SHMT2: variants seen among roughly 807,000 people sequenced by gnomAD.
SHMT2 encodes the protein serine hydroxymethyltransferase 2, also known as serine hydroxymethyltransferase, mitochondrial.
In SHMT2, 38 loss-of-function variants were observed where a neutral mutation model predicts 59.6. That is an observed-to-expected ratio of 0.64 (90% confidence interval 0.49 to 0.84). The LOEUF (loss-of-function observed/expected upper bound fraction) is 0.84, where lower values mean the gene tolerates loss of function less well. Among genes scored for constraint, SHMT2 ranks in the 40% least tolerant of loss-of-function variants. SHMT2 has a pLI of 0.00. For synonymous variants in SHMT2, 254 were observed against 258.1 expected, an observed-to-expected ratio of 0.98 and a Z score of 0.15; for missense variants, 533 against 659.5, an observed-to-expected ratio of 0.81 and a Z score of 2.10.
chr12:57,230,201 G>T, intron 1 of SHMT2: 1 of 1,279,780 alleles, frequency 7.8e-7, no homozygotes, highest in South Asian at 1.3e-5. Flanking sequence ...CTTGCATCAG[G>T]CAGGGGTCCC....
chr12:57,232,292 C>T lies in SHMT2; in HGVS notation c.594C>T (p.Asn198=), dbSNP rs756482868. 75 of 1,613,812 alleles carry T rather than the reference C, an allele frequency of 4.6e-5. No individual in the cohort carries two copies. In the Middle Eastern group the frequency reaches 9.9e-4, roughly 21 times the overall value. ...IFFESMPYKL[N]PKTGLIDYNQ... is the part of the protein sequence containing the mutation. ...TCGAGTCTATGCCCTATAAGCTCAA[C>T]GTGAGTGCTCTAGGGTGTGGGGAGG... Residue 198 remains asparagine, a splice_region_variant and synonymous_variant, in exon 5 of 12, where the codon AAC becomes AAT. Coordinates refer to ENST00000328923, the MANE Select transcript of SHMT2 (RefSeq NM_005412.6).
Position 57,234,592 on chromosome 12 carries a change from C to G in SHMT2, c.*231C>G. The G allele has an allele frequency of 2.5e-6, 1 of 403,058 alleles. No homozygotes were observed. Among genetic ancestry groups the G allele is most frequent in the Non-Finnish European group, 4.4e-6 (1 of 229,754 alleles). 25.0% of individuals were successfully genotyped at this position (403,058 alleles called of 1,614,324 possible). A position where few individuals can be genotyped will look rare whatever the true frequency, so the allele number is the denominator to read the frequency against. ...AGGGCCCAGGCACTTTCTGTTTGAA[C>G]CCCTGTCATGATCACAGTGTCAGAG... is the stretch of plus-strand genomic sequence containing the variant. On this transcript the variant is annotated 3_prime_UTR_variant, in exon 12 of 12. Transcript: ENST00000328923.
rs775692309 is a variant in SHMT2, at chr12:57,232,464, C to T, written c.606C>T (p.Gly202=). 2.5e-6 allele frequency: 4 copies of T among 1,614,174 alleles called. No homozygotes were observed. Among genetic ancestry groups the T allele is most frequent in the Non-Finnish European group, 3.4e-6 (4 of 1,180,020 alleles). The stretch of plus-strand genomic sequence containing the variant: ...GTGTGTCTGTCCAGCCCAAAACTGG[C>T]CTCATTGACTACAACCAGCTGGCAC... ...SMPYKLNPKT[G]LIDYNQLALT... The change falls in exon 6 of 12, where the codon GGC becomes GGT. Residue 202 remains glycine, a synonymous_variant. Transcript: ENST00000328923.
At chr12:57,233,687 G>T in intron 9 of SHMT2, 25 bp downstream of exon 9, 1 of 1,613,036 alleles carries the variant, frequency 6.2e-7, no homozygotes, top group Non-Finnish European at 8.5e-7. Flanking sequence ...GATGGGTGAG[G>T]GCCTCTGTAG....
rs767322828 is a variant in SHMT2 at position 57,231,708 on chromosome 12, G to A, written c.312-5G>A. 1.6e-5 allele frequency: 26 copies of A among 1,613,870 alleles called. No homozygotes were observed. The highest frequency in any genetic ancestry group is 5.5e-5 in the South Asian group (5 of 91,086). On this transcript the variant is annotated splice_polypyrimidine_tract_variant and splice_region_variant and intron_variant, in intron 3 of 11. Transcript: ENST00000328923. ...TGTGCCCTCATTACCCCTCTCCCACGGCAGATACTATGGGGGAGCAGAGGT... is the reference window on the plus strand; with the variant it reads ...TGTGCCCTCATTACCCCTCTCCCACAGCAGATACTATGGGGGAGCAGAGGT...
chr12:57,231,627 T>C, intron 3 of SHMT2, 67 bp downstream of exon 3: 7 of 1,611,130 alleles, frequency 4.3e-6, no homozygotes, highest in Non-Finnish European at 5.9e-6. Flanking sequence ...ACCTTCCCAG[T>C]GTTCATTGAG....
rs1453830388 is a variant in SHMT2 at position 57,230,832 on chromosome 12, G to T, written c.63G>T (p.Arg21Ser). ...TGCAGAGATGTGGGCAGCTGGTCAG[G>T]ATGGCCATTCGGGCTCAGCACAGCA... is the stretch of plus-strand genomic sequence containing the variant. Reference protein sequence around the residue: ...RPLQRCGQLVRMAIRAQHSNA... With the variant: ...RPLQRCGQLVSMAIRAQHSNA... Residue 21 changes from arginine (R) to serine (S), a missense_variant, in exon 2 of 12, where the codon AGG becomes AGT. Transcript: ENST00000328923. 1 of 1,614,120 alleles carries T rather than the reference G, an allele frequency of 6.2e-7. No homozygotes were observed. Among genetic ancestry groups the T allele is most frequent in the African/African-American group, 1.3e-5 (1 of 75,024 alleles).
rs1279836770 is a variant in SHMT2, at chr12:57,232,764, G to T, written c.778G>T (p.Ala260Ser). The T allele has an allele frequency of 1.9e-6, 3 of 1,613,466 alleles. No homozygotes were observed. Among genetic ancestry groups the T allele is most frequent in the Non-Finnish European group, 1.7e-6 (2 of 1,179,464 alleles). Residue 260 changes from alanine to serine, a missense_variant, in exon 7 of 12, where the codon GCT becomes TCT. Coordinates refer to ENST00000328923, the MANE Select transcript of SHMT2 (RefSeq NM_005412.6). ...ADMAHISGLV[A>S]AKVIPSPFKH... ...CATGGCCCACATCAGTGGCCTGGTG[G>T]CTGCCAAGGTGATTCCCTCGCCTTT...
chr12:57,234,387 G>C lies in SHMT2; in HGVS notation c.*26G>C, dbSNP rs762750160. The stretch of plus-strand genomic sequence containing the variant: ...AGGCACCTGGGAAATGAGGCCCACA[G>C]ACTCAAAGTTACTCTCCTTCCCCCT... On this transcript the variant is annotated 3_prime_UTR_variant, in exon 12 of 12. Coordinates refer to ENST00000328923, the MANE Select transcript of SHMT2 (RefSeq NM_005412.6). The C allele has an allele frequency of 1.9e-6, 3 of 1,553,328 alleles. No individual in the cohort carries two copies. The highest frequency in any genetic ancestry group is 2.5e-5 in the South Asian group (2 of 81,454).
At position 57,234,051 on chromosome 12, in the gene SHMT2, G is replaced by C. The variant is rs1165339352; in HGVS notation, c.1328G>C (p.Arg443Thr). 1.2e-6 allele frequency: 2 copies of C among 1,614,206 alleles called. No homozygotes were observed. The highest frequency in any genetic ancestry group is 1.1e-5 in the South Asian group (1 of 91,074). ...SRQFREDDFR[R>T]VVDFIDEGVN... ...CAGTTCCGTGAGGATGACTTCCGGA[G>C]AGTTGTGGACTTTATAGATGAAGGG... Residue 443 changes from arginine (R) to threonine (T), a missense_variant, in exon 11 of 12, where the codon AGA becomes ACA. By Grantham distance (71) the Arg-to-Thr change is moderately conservative. Coordinates refer to ENST00000328923, the MANE Select transcript of SHMT2 (RefSeq NM_005412.6).
chr12:57,232,392 G>C, intron 5 of SHMT2, 61 bp from the exon 6 acceptor site: 1 of 1,614,014 alleles, frequency 6.2e-7, no homozygotes, highest in South Asian at 1.1e-5. Context: ...TTAGGGTTAA[G>C]GAGGAGAGTG....
chr12:57,234,182 C>T (rs369816379), intron 11 of SHMT2, 52 bp from the exon 12 acceptor site: 1 of 1,613,492 alleles, frequency 6.2e-7, no homozygotes, highest in Non-Finnish European at 8.5e-7. Context: ...CAGCTGATCT[C>T]ACTGCCTTCC....
chr12:57,233,644 G>T lies in SHMT2; in HGVS notation c.1105G>T (p.Gly369Cys). The change falls in exon 9 of 12, where the codon GGC becomes TGC. Residue 369 changes from glycine to cysteine, a missense_variant. By Grantham distance (159) the Gly-to-Cys change is radical. Coordinates refer to ENST00000328923, the MANE Select transcript of SHMT2 (RefSeq NM_005412.6). ...RAMADALLER[G>C]YSLVSGGTDN... ...CATGGCAGATGCCCTGCTAGAGCGA[G>T]GCTACTCACTGGTATCAGGTAAGCC... 1.9e-6 allele frequency: 3 copies of T among 1,614,086 alleles called. No individual in the cohort carries two copies. Among genetic ancestry groups the T allele is most frequent in the Non-Finnish European group, 2.5e-6 (3 of 1,179,946 alleles).
At chr12:57,230,129 TCA>T (rs1376131609) in intron 1 of SHMT2, 1 of 1,325,822 alleles carries the variant, frequency 7.5e-7, no homozygotes, top group African/African-American at 1.5e-5. Flanking sequence ...CGGCCTGGTC[TCA>T]CAAGCTGAGC....
intron 7 of SHMT2, 98 bp downstream of exon 7, chr12:57,232,941 C>A: frequency 6.7e-7 from 1 of 1,496,350 alleles, no homozygotes; most frequent in Non-Finnish European, 9.1e-7. Context: ...TTCCCACCTG[C>A]AGCCCTTAAG....
Position 57,234,054 on chromosome 12 carries a change from T to C in SHMT2, c.1331T>C (p.Val444Ala). 1 of 1,613,928 alleles carries C rather than the reference T, an allele frequency of 6.2e-7. No individual in the cohort carries two copies. The highest frequency in any genetic ancestry group is 8.5e-7 in the Non-Finnish European group (1 of 1,179,986). Residue 444 changes from valine to alanine, a missense_variant, in exon 11 of 12, where the codon GTT becomes GCT. Coordinates refer to ENST00000328923, the MANE Select transcript of SHMT2 (RefSeq NM_005412.6). ...TTCCGTGAGGATGACTTCCGGAGAG[T>C]TGTGGACTTTATAGATGAAGGGGTC... Reference protein sequence around the residue: ...RQFREDDFRRVVDFIDEGVNI... With the variant: ...RQFREDDFRRAVDFIDEGVNI...
rs1302534056 is a variant in SHMT2 at position 57,231,461 on chromosome 12, A to G, written c.232-20A>G. 12 of 1,612,598 alleles carry G rather than the reference A, an allele frequency of 7.4e-6. No homozygotes were observed. The highest frequency in any genetic ancestry group is 1.0e-5 in the Non-Finnish European group (12 of 1,179,278). Reference sequence around the variant, plus strand: ...GGGAAGGGGCTCAATACCTTCTGACATTGCCCCCCACCACCCCAGAACTTC... The same window carrying G: ...GGGAAGGGGCTCAATACCTTCTGACGTTGCCCCCCACCACCCCAGAACTTC... On this transcript the variant is annotated intron_variant, in intron 2 of 11. Transcript: ENST00000328923.
chr12:57,234,083 A>G lies in SHMT2; in HGVS notation c.1360A>G (p.Ile454Val), dbSNP rs748588102. 2.1e-5 allele frequency: 34 copies of G among 1,614,052 alleles called. No individual in the cohort carries two copies. Among genetic ancestry groups the G allele is most frequent in the Non-Finnish European group, 2.8e-5 (33 of 1,180,044 alleles). ...GGACTTTATAGATGAAGGGGTCAAC[A>G]TTGGCTTAGAGGTGAAGAGCAAGAC... ...VVDFIDEGVNIGLEVKSKTAK... is the reference protein window; with the variant it reads ...VVDFIDEGVNVGLEVKSKTAK... The change falls in exon 11 of 12, where the codon ATT (isoleucine) becomes GTT (valine). Residue 454 changes from isoleucine to valine, a missense_variant. Physicochemically the swap from Ile to Val is conservative, Grantham distance 29. Transcript: ENST00000328923.
intron 1 of SHMT2, chr12:57,230,268 G>A: frequency 8.4e-7 from 1 of 1,191,310 alleles, no homozygotes; most frequent in Non-Finnish European, 1.1e-6. Context: ...TAAGGGGAAA[G>A]GGTATTGGCT....
Sources: gnomAD v4.1 joint callset for allele counts on GRCh38, gnomAD v4.1.1 for gene constraint, MANE v1.5 for transcripts, NCBI Gene and HGNC (gene_info 2026-07-23, HGNC 2026-07-21) for gene names.